Variants in RSPH14 observed in about 807,000 individuals in gnomAD.
RSPH14 encodes rhabdoid tumor deletion region gene 1.
A neutral mutation model predicts 26.7 loss-of-function variants in RSPH14; 20 were observed. The observed-to-expected ratio is 0.75, with a 90% CI of 0.53 to 1.09. The LOEUF is 1.09. Among genes scored for constraint, RSPH14 ranks in the 50% least tolerant of loss-of-function variants. The pLI, the probability that RSPH14 is intolerant of heterozygous loss-of-function variation, is 0.00. For synonymous variants in RSPH14, 177 were observed against 189.3 expected (o/e 0.93, Z 0.53); for missense variants, 449 against 457.2 (o/e 0.98, Z 0.16).
chr22:23,148,745 A>T (rs1332884309), upstream of RSPH14, among the ~76,000 whole-genome samples: 1 of 152,026 alleles, frequency 6.6e-6, no homozygotes, highest in Admixed American at 6.6e-5. Flanking sequence ...CACACTTCTT[A>T]CCCTGCAGCC....
intron 4 of RSPH14, among the ~76,000 whole-genome samples, chr22:23,089,573 T>C (rs989729044): frequency 2.0e-5 from 3 of 152,270 alleles, no homozygotes; most frequent in Admixed American, 6.5e-5. Flanking sequence ...TCCATGACCA[T>C]GTACCCATCC....
chr22:23,103,544 G>A (rs1699440077), intron 4 of RSPH14, among the ~76,000 whole-genome samples: 1 of 152,152 alleles, frequency 6.6e-6, no homozygotes, highest in Non-Finnish European at 1.5e-5. Context: ...GCTGGAGAAA[G>A]GGAATTTGCC....
At chr22:23,095,394 C>A (rs920928738) in intron 4 of RSPH14, 2 of 367,270 alleles carry the variant, frequency 5.4e-6, no homozygotes, top group Non-Finnish European at 1.0e-5. Context: ...CACAAGCGGA[C>A]GGCTTCCCAC....
intron 4 of RSPH14, among the ~76,000 whole-genome samples, chr22:23,079,248 G>A (rs778262083): frequency 2.0e-5 from 3 of 152,228 alleles, no homozygotes; most frequent in African/African-American, 2.4e-5. Flanking sequence ...GCGAATATGG[G>A]GGTCATTTTC....
rs546075991 is a variant in RSPH14 at position 23,106,460 on chromosome 22, A to ACTGTGGGTGGGGCCCTGGCC, written c.421+27546_421+27565dup. 2.9e-3 allele frequency among the ~76,000 whole-genome samples: 438 copies of ACTGTGGGTGGGGCCCTGGCC among 152,316 alleles called. 6 individuals carry two copies. The highest frequency in any genetic ancestry group is 0.024 in the Admixed American group (373 of 15,308). ...TCTCCATCTCACACTGGGCCCTGGC[A>ACTGTGGGTGGGGCCCTGGCC]CTGTGGGTGGGGCCCTGGCCTGGCT... is the stretch of plus-strand genomic sequence containing the variant. On this transcript the variant is annotated intron_variant, in intron 4 of 6. Transcript: ENST00000216036.
At chr22:23,159,190 G>T in the RSPH14 span, 1 of 1,611,142 alleles carries the variant, frequency 6.2e-7, no homozygotes, top group Non-Finnish European at 8.5e-7. Context: ...GCAGGCCGAA[G>T]CAGACGCTGT....
At chr22:23,109,049 G>T (rs16997431) in intron 4 of RSPH14, among the ~76,000 whole-genome samples, 15,823 of 152,242 alleles carry the variant, frequency 0.1, 2,620 homozygotes, top group African/African-American at 0.35. Flanking sequence ...ATGTGTCATC[G>T]TGGGAAGAGC....
At chr22:23,068,826 C>T (rs1272597738) in intron 4 of RSPH14, among the ~76,000 whole-genome samples, 70 of 152,362 alleles carry the variant, frequency 4.6e-4, no homozygotes, top group South Asian at 4.1e-4. Flanking sequence ...CCAGGTAGCA[C>T]AGCTGCCGGT....
the RSPH14 span, chr22:23,163,341 T>A: frequency 6.5e-6 from 1 of 152,868 alleles, no homozygotes; most frequent in Non-Finnish European, 1.5e-5. Context: ...GCCATTCTCC[T>A]GCCTCAGCCT....
chr22:23,063,962 T>C lies in RSPH14; in HGVS notation c.593A>G (p.Lys198Arg). 1 of 1,614,184 alleles carries C rather than the reference T, an allele frequency of 6.2e-7. No homozygotes were observed. The highest frequency in any genetic ancestry group is 1.3e-5 in the African/African-American group (1 of 75,042). The part of the protein sequence containing the change: ...GSNVVLVLKQ[K>R]LLSANQNIRS... ...GATGTTCTGGTTGGCGCTGAGGAGC[T>C]TCTGCTTCAGGACAAGCACCACATT... is the stretch of plus-strand genomic sequence containing the variant. Residue 198 changes from lysine to arginine, a missense_variant, in exon 5 of 7, where the codon AAG (lysine) becomes AGG (arginine). Transcript: ENST00000216036.
At chr22:23,091,407 C>A (rs2068970918) in intron 4 of RSPH14, among the ~76,000 whole-genome samples, 1 of 151,450 alleles carries the variant, frequency 6.6e-6, no homozygotes, top group Non-Finnish European at 1.5e-5. Flanking sequence ...GGCACCTATG[C>A]ATACATGCAC....
intron 4 of RSPH14, chr22:23,070,380 C>CGGGCGGT (rs1270343429): frequency 6.9e-6 from 1 of 145,518 alleles, no homozygotes; most frequent in East Asian, 2.0e-4. Context: ...CGGCGGGCGG[C>CGGGCGGT]GCGGGAGGGC....
In RSPH14 at chr22:23,138,896, C is replaced by A; in HGVS notation, c.246G>T (p.Met82Ile). 6.5e-7 allele frequency: 1 copy of A among 1,549,298 alleles called. No homozygotes were observed. The change falls in exon 3 of 7, where the codon ATG (methionine) becomes ATT (isoleucine). Residue 82 changes from methionine to isoleucine, a missense_variant. Met to Ile is a conservative substitution (Grantham distance 10). Coordinates refer to ENST00000216036, the MANE Select transcript of RSPH14 (RefSeq NM_014433.3). ...LKALLKDSNS[M>I]VRIKTTEVLH... Reference sequence around the variant, plus strand: ...GCACCTCGGTGGTCTTTATGCGCACCATACTGTTGCTATCCTTCAGCAAAG... The same window carrying A: ...GCACCTCGGTGGTCTTTATGCGCACAATACTGTTGCTATCCTTCAGCAAAG...
intron 4 of RSPH14, among the ~76,000 whole-genome samples, chr22:23,069,636 T>C (rs1395869065): frequency 6.6e-6 from 1 of 152,126 alleles, no homozygotes; most frequent in African/African-American, 2.4e-5. Flanking sequence ...TCTCCCTTCC[T>C]TCCCTCCCAA....
the RSPH14 span, among the ~76,000 whole-genome samples, chr22:23,170,910 T>C: frequency 1.3e-5 from 2 of 152,124 alleles, no homozygotes; most frequent in East Asian, 3.9e-4. Context: ...GCTGTGGCTA[T>C]TCACAGGCAC....
chr22:23,154,848 G>T, the RSPH14 span, among the ~76,000 whole-genome samples: 1 of 152,170 alleles, frequency 6.6e-6, no homozygotes, highest in East Asian at 1.9e-4. Context: ...GACCATGACC[G>T]GGCATGGTGG....
At chr22:23,108,510 C>T (rs1424897696) in intron 4 of RSPH14, among the ~76,000 whole-genome samples, 1 of 152,264 alleles carries the variant, frequency 6.6e-6, no homozygotes, top group Admixed American at 6.5e-5. Flanking sequence ...GCCTGGATTA[C>T]ACAGCCTGCC....
intron 4 of RSPH14, chr22:23,095,698 G>A: frequency 6.2e-7 from 1 of 1,603,474 alleles, no homozygotes. Context: ...GCCAGACCAT[G>A]GGATGTCGGC....
intron 4 of RSPH14, among the ~76,000 whole-genome samples, chr22:23,119,088 T>G (rs1300765347): frequency 6.6e-6 from 1 of 152,226 alleles, no homozygotes; most frequent in Admixed American, 6.5e-5. Context: ...AGTCACAGTT[T>G]CCAGAGCTAC....
Sources: allele counts gnomAD v4.1 joint callset (sites outside exome capture counted in the v4.1 genomes callset), GRCh38; gene constraint gnomAD v4.1.1; transcripts MANE v1.5; gene names NCBI Gene and HGNC (gene_info 2026-07-23, HGNC 2026-07-21).